Variants in HASPIN observed in about 807,000 individuals in gnomAD.
The protein encoded by HASPIN is serine/threonine-protein kinase haspin.
HASPIN carries 24 observed loss-of-function variants against 28.8 expected under a neutral mutation model. The ratio of observed to expected loss-of-function variants is 0.83; its 90% CI spans 0.60 to 1.17. HASPIN has a LOEUF of 1.17. Among genes scored for constraint, HASPIN ranks in the 50% most tolerant of loss-of-function variants. The pLI, the probability that HASPIN is intolerant of heterozygous loss-of-function variation, is 0.00. For missense variants in HASPIN, 1,016 were observed against 1,018.5 expected (o/e 1.00, Z 0.03); for synonymous variants, 440 against 413.1 (o/e 1.07, Z -0.79).
rs1199603110 is a variant in HASPIN at position 3,724,115 on chromosome 17, C to CGACGATCCT, written c.189_197dup (p.Asp68_Asp70dup). On this transcript the variant is annotated inframe_insertion, in exon 1 of 1. Transcript: ENST00000325418. Reference sequence around the variant, plus strand: ...CCAGCATCGGCGACCCCTCGCAGTCCGACGATCCTGACGATCCCGACGACC... The same window carrying CGACGATCCT: ...CCAGCATCGGCGACCCCTCGCAGTCCGACGATCCTGACGATCCTGACGATCCCGACGACC... The CGACGATCCT allele has an allele frequency of 2.5e-6, 4 of 1,594,656 alleles. No homozygotes were observed. In the South Asian group the frequency reaches 3.3e-5, roughly 13 times the overall value.
At position 3,724,581 on chromosome 17, in the gene HASPIN, T is replaced by C; in HGVS notation, c.646T>C (p.Ser216Pro). The change falls in exon 1 of 1, where the codon TCT (serine) becomes CCT (proline). Residue 216 changes from serine (S) to proline (P), a missense_variant. By Grantham distance (74) the Ser-to-Pro change is moderately conservative. Transcript: ENST00000325418. ...HLPEVSLDRA[S>P]LPCSQEEATG... ...CCCAGAAGTCTCCCTGGACCGAGCA[T>C]CTCTCCCCTGCTCCCAGGAGGAAGC... The C allele has an allele frequency of 6.2e-7, 1 of 1,614,108 alleles. No homozygotes were observed. The highest frequency in any genetic ancestry group is 8.5e-7 in the Non-Finnish European group (1 of 1,180,010).
In HASPIN at chr17:3,725,861, A is replaced by T; in HGVS notation, c.1926A>T (p.Ser642=). 1 of 1,611,158 alleles carries T rather than the reference A, an allele frequency of 6.2e-7. No homozygotes were observed. The highest frequency in any genetic ancestry group is 1.7e-5 in the Admixed American group (1 of 59,938). Residue 642 remains serine (S), a synonymous_variant, in exon 1 of 1, where the codon TCA becomes TCT. Transcript: ENST00000325418. ...CCTCCCTCGCAGTGGCAGAGGCATCACTGCGCTTTGAGCACCGAGACTTAC... is the reference window on the plus strand; with the variant it reads ...CCTCCCTCGCAGTGGCAGAGGCATCTCTGCGCTTTGAGCACCGAGACTTAC... ...LTASLAVAEA[S]LRFEHRDLHW...
chr17:3,725,853 G>A lies in HASPIN; in HGVS notation c.1918G>A (p.Glu640Lys), dbSNP rs2051197503. The A allele has an allele frequency of 1.2e-6, 2 of 1,611,552 alleles. No homozygotes were observed. Among genetic ancestry groups the A allele is most frequent in the South Asian group, 2.2e-5 (2 of 91,046 alleles). Residue 640 changes from glutamate to lysine, a missense_variant, in exon 1 of 1, where the codon GAG (glutamate) becomes AAG (lysine). Glu to Lys is a moderately conservative substitution (Grantham distance 56, BLOSUM62 1). This residue lies in a region of HASPIN where 881 missense variants were observed against 845.5 expected (regional missense o/e 1.04). Coordinates refer to ENST00000325418, the MANE Select transcript of HASPIN (RefSeq NM_031965.2). ...GCTCACAGCCTCCCTCGCAGTGGCA[G>A]AGGCATCACTGCGCTTTGAGCACCG... The part of the protein sequence containing the change: ...HQLTASLAVA[E>K]ASLRFEHRDL...
rs770450286 is a variant in HASPIN at position 3,725,747 on chromosome 17, A to C, written c.1812A>C (p.Glu604Asp). The C allele has an allele frequency of 1.3e-6, 2 of 1,584,796 alleles. No individual in the cohort carries two copies. The highest frequency in any genetic ancestry group is 1.7e-6 in the Non-Finnish European group (2 of 1,164,844). Residue 604 changes from glutamate (E) to aspartate (D), a missense_variant, in exon 1 of 1, where the codon GAA (glutamate) becomes GAC (aspartate). Glu to Asp is a conservative substitution (Grantham distance 45). Coordinates refer to ENST00000325418, the MANE Select transcript of HASPIN (RefSeq NM_031965.2). The stretch of plus-strand genomic sequence containing the variant: ...ACGACCAGCTCTTCATTGTGCTGGA[A>C]TTTGAGTTTGGAGGGATTGACTTAG... ...FKDDQLFIVL[E>D]FEFGGIDLEQ...
In HASPIN at chr17:3,723,996, G is replaced by T. The variant is rs754421400; in HGVS notation, c.61G>T (p.Gly21Cys). ...RLFRTYGAAD[G>C]RRQRRPGREA... ...TTTCCGCACATATGGGGCTGCGGAC[G>T]GCAGGAGACAGCGGCGGCCGGGCCG... Residue 21 changes from glycine (G) to cysteine (C), a missense_variant, in exon 1 of 1, where the codon GGC becomes TGC. Gly to Cys is a radical substitution (Grantham distance 159). Transcript: ENST00000325418. 6 of 1,595,114 alleles carry T rather than the reference G, an allele frequency of 3.8e-6. No homozygotes were observed. The highest frequency in any genetic ancestry group is 1.1e-5 in the South Asian group (1 of 90,684).
At position 3,725,889 on chromosome 17, in the gene HASPIN, T is replaced by C. The variant is rs2051199060; in HGVS notation, c.1954T>C (p.Trp652Arg). 5 of 1,611,720 alleles carry C rather than the reference T, an allele frequency of 3.1e-6. No individual in the cohort carries two copies. Among genetic ancestry groups the C allele is most frequent in the Non-Finnish European group, 4.2e-6 (5 of 1,179,742 alleles). Residue 652 changes from tryptophan (W) to arginine (R), a missense_variant, in exon 1 of 1, where the codon TGG becomes CGG. Physicochemically the swap from Trp to Arg is moderately radical, Grantham distance 101. Around this residue, in one of 3 missense-constraint regions of HASPIN, gnomAD observed 881 missense variants for 845.5 expected, o/e 1.04. Transcript: ENST00000325418. ...GCGCTTTGAGCACCGAGACTTACAC[T>C]GGGGGAACGTGCTCTTAAAGAAAAC... Reference protein sequence around the residue: ...SLRFEHRDLHWGNVLLKKTSL... With the variant: ...SLRFEHRDLHRGNVLLKKTSL...
chr17:3,725,129 T>C lies in HASPIN; in HGVS notation c.1194T>C (p.Asp398=), dbSNP rs2051176835. 1 of 1,614,094 alleles carries C rather than the reference T, an allele frequency of 6.2e-7. No individual in the cohort carries two copies. Among genetic ancestry groups the C allele is most frequent in the Admixed American group, 1.7e-5 (1 of 59,994 alleles). Reference sequence around the variant, plus strand: ...TCCACAAGAAGAAAATTGTGACTGATGTGTCAGAGGTCTGCAGCATCTATA... The same window carrying C: ...TCCACAAGAAGAAAATTGTGACTGACGTGTCAGAGGTCTGCAGCATCTATA... ...FSFHKKKIVT[D]VSEVCSIYTT... is the part of the protein sequence containing the mutation. Residue 398 remains aspartate, a synonymous_variant, in exon 1 of 1, where the codon GAT becomes GAC. Transcript: ENST00000325418.
At position 3,725,915 on chromosome 17, in the gene HASPIN, C is replaced by T. The variant is rs1567513524; in HGVS notation, c.1980C>T (p.Thr660=). 5.6e-6 allele frequency: 9 copies of T among 1,613,290 alleles called. No individual in the cohort carries two copies. Among genetic ancestry groups the T allele is most frequent in the Non-Finnish European group, 7.6e-6 (9 of 1,179,980 alleles). ...GGGGGAACGTGCTCTTAAAGAAAAC[C>T]AGCCTCAAAAAACTCCACTACACCC... ...LHWGNVLLKK[T]SLKKLHYTLN... The change falls in exon 1 of 1, where the codon ACC becomes ACT. Residue 660 remains threonine, a synonymous_variant. Transcript: ENST00000325418.
At position 3,724,681 on chromosome 17, in the gene HASPIN, T is replaced by C. The variant is rs201618717; in HGVS notation, c.746T>C (p.Met249Thr). 5.6e-6 allele frequency: 9 copies of C among 1,614,230 alleles called. No homozygotes were observed. In the East Asian group the frequency reaches 2.0e-4, roughly 36 times the overall value. Residue 249 changes from methionine to threonine, a missense_variant, in exon 1 of 1, where the codon ATG becomes ACG. By Grantham distance (81) the Met-to-Thr change is moderately conservative (BLOSUM62 -1). This residue lies in a region of HASPIN where 881 missense variants were observed against 845.5 expected (regional missense o/e 1.04). Transcript: ENST00000325418. ...CTCAGGTCAGTTCTCTTTGGCCTTA[T>C]GAACTCAGGAACCCCTGAGGATTCT... The part of the protein sequence containing the change: ...ASLRSVLFGL[M>T]NSGTPEDSEF...
Position 3,726,640 on chromosome 17 carries a change from C to T in HASPIN, c.*308C>T, listed in dbSNP as rs1335119745. On this transcript the variant is annotated 3_prime_UTR_variant, in exon 1 of 1. Coordinates refer to ENST00000325418, the MANE Select transcript of HASPIN (RefSeq NM_031965.2). ...CCCAAGAGTTCATATCTAGCCTGGT[C>T]AACATAGCAAGACCCCTGTCTCTAT... 3.5e-6 allele frequency: 1 copy of T among 289,368 alleles called. No homozygotes were observed. Among genetic ancestry groups the T allele is most frequent in the Non-Finnish European group, 6.4e-6 (1 of 156,792 alleles). The allele number at this position is 289,368 out of a possible 1,614,324, so 17.9% of individuals were successfully genotyped here.
chr17:3,724,008 C>A lies in HASPIN; in HGVS notation c.73C>A (p.Arg25=). Residue 25 remains arginine (R), a synonymous_variant, in exon 1 of 1, where the codon CGG becomes AGG. Coordinates refer to ENST00000325418, the MANE Select transcript of HASPIN (RefSeq NM_031965.2). ...TYGAADGRRQ[R]RPGREAAQWF... ...TGGGGCTGCGGACGGCAGGAGACAG[C>A]GGCGGCCGGGCCGGGAAGCCGCGCA... is the stretch of plus-strand genomic sequence containing the variant. 1 of 1,592,486 alleles carries A rather than the reference C, an allele frequency of 6.3e-7. No homozygotes were observed. Among genetic ancestry groups the A allele is most frequent in the Non-Finnish European group, 8.5e-7 (1 of 1,173,696 alleles).
chr17:3,725,324 T>A lies in HASPIN; in HGVS notation c.1389T>A (p.Val463=). 6.2e-7 allele frequency: 1 copy of A among 1,614,240 alleles called. No homozygotes were observed. ...SNKKASDAEK[V]YGECSQKGPV... ...AAAAGGCATCTGATGCTGAAAAGGTTTATGGGGAATGCAGTCAGAAGGGTC... is the reference window on the plus strand; with the variant it reads ...AAAAGGCATCTGATGCTGAAAAGGTATATGGGGAATGCAGTCAGAAGGGTC... Residue 463 remains valine (V), a synonymous_variant, in exon 1 of 1, where the codon GTT becomes GTA. Coordinates refer to ENST00000325418, the MANE Select transcript of HASPIN (RefSeq NM_031965.2).
At position 3,725,805 on chromosome 17, in the gene HASPIN, A is replaced by T. The variant is rs1190473773; in HGVS notation, c.1870A>T (p.Thr624Ser). The T allele has an allele frequency of 1.9e-6, 3 of 1,610,426 alleles. No homozygotes were observed. Among genetic ancestry groups the T allele is most frequent in the Non-Finnish European group, 2.5e-6 (3 of 1,177,834 alleles). ...GCGAACCAAGTTGTCTTCCTTGGCTACTGCAAAGAGCATTCTACACCAGCT... is the reference window on the plus strand; with the variant it reads ...GCGAACCAAGTTGTCTTCCTTGGCTTCTGCAAAGAGCATTCTACACCAGCT... ...QMRTKLSSLATAKSILHQLTA... is the reference protein window; with the variant it reads ...QMRTKLSSLASAKSILHQLTA... The change falls in exon 1 of 1, where the codon ACT becomes TCT. Residue 624 changes from threonine to serine, a missense_variant. Around this residue, in one of 3 missense-constraint regions of HASPIN, gnomAD observed 881 missense variants for 845.5 expected, o/e 1.04. Transcript: ENST00000325418.
Position 3,724,408 on chromosome 17 carries a change from A to T in HASPIN, c.473A>T (p.Asp158Val). 1 of 1,611,748 alleles carries T rather than the reference A, an allele frequency of 6.2e-7. No individual in the cohort carries two copies. The highest frequency in any genetic ancestry group is 8.5e-7 in the Non-Finnish European group (1 of 1,179,518). Residue 158 changes from aspartate to valine, a missense_variant, in exon 1 of 1, where the codon GAC (aspartate) becomes GTC (valine). By Grantham distance (152) the Asp-to-Val change is radical. Around this residue, in one of 3 missense-constraint regions of HASPIN, gnomAD observed 881 missense variants for 845.5 expected, o/e 1.04. Coordinates refer to ENST00000325418, the MANE Select transcript of HASPIN (RefSeq NM_031965.2). ...CTCAGCGTGTGCGGCCAGCCCAGGG[A>T]CGGCGACGAGCTGGGCATCAGTGCC... The part of the protein sequence containing the change: ...PDLSVCGQPR[D>V]GDELGISASL...
rs142224121 is a variant in HASPIN at position 3,724,460 on chromosome 17, C to G, written c.525C>G (p.Pro175=). ...SASLFSSLAS[P]CPGSPTPRDS... ...CCCTGTTCAGCTCTCTGGCCTCGCC[C>G]TGCCCCGGGTCCCCAACGCCAAGGG... The change falls in exon 1 of 1, where the codon CCC becomes CCG. Residue 175 remains proline (P), a synonymous_variant. Transcript: ENST00000325418. 2.9e-4 allele frequency: 463 copies of G among 1,613,874 alleles called. 1 individual carries two copies. In the African/African-American group the frequency reaches 5.1e-3, roughly 18 times the overall value.
At position 3,725,649 on chromosome 17, in the gene HASPIN, T is replaced by A; in HGVS notation, c.1714T>A (p.Leu572Met). 9 of 1,602,308 alleles carry A rather than the reference T, an allele frequency of 5.6e-6. No individual in the cohort carries two copies. The highest frequency in any genetic ancestry group is 7.7e-6 in the Non-Finnish European group (9 of 1,172,606). Residue 572 changes from leucine (L) to methionine (M), a missense_variant, in exon 1 of 1, where the codon TTG (leucine) becomes ATG (methionine). Transcript: ENST00000325418. ...VHCVQGSYPP[L>M]LLKAWDHYNS... Reference sequence around the variant, plus strand: ...CTGTGTCCAGGGATCTTACCCTCCCTTGCTCCTCAAAGCCTGGGATCACTA... The same window carrying A: ...CTGTGTCCAGGGATCTTACCCTCCCATGCTCCTCAAAGCCTGGGATCACTA...
rs867211706 is a variant in HASPIN at position 3,724,116 on chromosome 17, G to A, written c.181G>A (p.Asp61Asn). 1.3e-6 allele frequency: 2 copies of A among 1,593,812 alleles called. No homozygotes were observed. Among genetic ancestry groups the A allele is most frequent in the South Asian group, 1.1e-5 (1 of 90,666 alleles). ...CAGCATCGGCGACCCCTCGCAGTCCGACGATCCTGACGATCCCGACGACCC... is the reference window on the plus strand; with the variant it reads ...CAGCATCGGCGACCCCTCGCAGTCCAACGATCCTGACGATCCCGACGACCC... ...DASIGDPSQS[D>N]DPDDPDDPDF... The change falls in exon 1 of 1, where the codon GAC (aspartate) becomes AAC (asparagine). Residue 61 changes from aspartate (D) to asparagine (N), a missense_variant. Asp to Asn is a conservative substitution (Grantham distance 23). Transcript: ENST00000325418.
rs1567756262 is a variant in HASPIN, at chr17:3,724,303, CGCA to C, written c.370_372del (p.Gln124del). 1 of 1,587,330 alleles carries C rather than the reference CGCA, an allele frequency of 6.3e-7. No homozygotes were observed. The highest frequency in any genetic ancestry group is 8.5e-7 in the Non-Finnish European group (1 of 1,173,774). ...CGCCTGGGGCTGCGAGCTCGGCCCCCGCAGAAGTGCAGCACACCCTGCGGCCCG... is the reference window on the plus strand; with the variant it reads ...CGCCTGGGGCTGCGAGCTCGGCCCCCGAAGTGCAGCACACCCTGCGGCCCG... On this transcript the variant is annotated inframe_deletion, in exon 1 of 1. Transcript: ENST00000325418.
At position 3,724,072 on chromosome 17, in the gene HASPIN, G is replaced by T; in HGVS notation, c.137G>T (p.Ser46Ile). The T allele has an allele frequency of 1.3e-6, 2 of 1,596,080 alleles. No homozygotes were observed. Among genetic ancestry groups the T allele is most frequent in the Non-Finnish European group, 1.7e-6 (2 of 1,177,704 alleles). The stretch of plus-strand genomic sequence containing the variant: ...CAGGACCGGAGGCGTTTCTTCAACA[G>T]CAGCGGCAGCAGCGACGCCAGCATC... ...PPQDRRRFFN[S>I]SGSSDASIGD... Residue 46 changes from serine to isoleucine, a missense_variant, in exon 1 of 1, where the codon AGC (serine) becomes ATC (isoleucine). Ser to Ile is a moderately radical substitution (Grantham distance 142, BLOSUM62 -2). This residue lies in a region of HASPIN where 881 missense variants were observed against 845.5 expected (regional missense o/e 1.04). Transcript: ENST00000325418.
Sources: gnomAD v4.1 joint callset for allele counts on GRCh38, gnomAD v4.1.1 for gene constraint, gnomAD v4.1.1 regional missense constraint, MANE v1.5 for transcripts, NCBI Gene and HGNC (gene_info 2026-07-23, HGNC 2026-07-21) for gene names.